The following LUZP2 variants were observed in gnomAD, a reference collection of about 807,000 sequenced individuals.
LUZP2 encodes leucine zipper protein 2.
Under a neutral mutation model 51.6 loss-of-function variants are expected in LUZP2, and 52 were observed. The ratio of observed to expected loss-of-function variants is 1.01; its 90% CI spans 0.81 to 1.27. The LOEUF (loss-of-function observed/expected upper bound fraction) is 1.27, where lower values mean the gene tolerates loss of function less well. Among genes scored for constraint, LUZP2 ranks in the 50% most tolerant of loss-of-function variants. The probability of loss-of-function intolerance (pLI) is 0.00; values close to 1 mark genes in which losing one functional copy is unlikely to be tolerated. For synonymous variants in LUZP2, 154 were observed against 137.3 expected, an observed-to-expected ratio of 1.12 and a Z score of -0.85; for missense variants, 436 against 395.4, an observed-to-expected ratio of 1.10 and a Z score of -0.87.
At chr11:24,988,065 G>T (rs1856237177) in intron 9 of LUZP2, among the ~76,000 whole-genome samples, 1 of 151,920 alleles carries the variant, frequency 6.6e-6, no homozygotes, top group Non-Finnish European at 1.5e-5. Context: ...TAAGAAGTAA[G>T]CTTGCCCTAT....
Position 24,702,282 on chromosome 11 carries a change from T to C in LUZP2, c.63-26887T>C, listed in dbSNP as rs116165392. Among the ~76,000 whole-genome samples the C allele has an allele frequency of 5.4e-3, 818 of 152,296 alleles. 12 individuals carry two copies. Among genetic ancestry groups the C allele is most frequent in the African/African-American group, 0.018 (765 of 41,548 alleles). ...AATTACAATACATGGCTTTTTAGAC[T>C]TTTGCTATATGTGTTAAGAATTGTG... is the stretch of plus-strand genomic sequence containing the variant. On this transcript the variant is annotated intron_variant, in intron 1 of 11. Transcript: ENST00000336930.
intron 1 of LUZP2, among the ~76,000 whole-genome samples, chr11:24,539,824 G>T (rs1564978498): frequency 6.6e-6 from 1 of 151,912 alleles, no homozygotes; most frequent in Non-Finnish European, 1.5e-5. Flanking sequence ...TCTGAAAATT[G>T]CTCAATTCAG....
intron 1 of LUZP2, among the ~76,000 whole-genome samples, chr11:24,682,823 G>T (rs1856788166): frequency 6.6e-6 from 1 of 151,812 alleles, no homozygotes; most frequent in Non-Finnish European, 1.5e-5. Flanking sequence ...GGCCAACATG[G>T]TGAAACCCCA....
At chr11:24,924,456 C>A in intron 7 of LUZP2, among the ~76,000 whole-genome samples, 1 of 152,130 alleles carries the variant, frequency 6.6e-6, no homozygotes, top group East Asian at 1.9e-4. Context: ...GTTGAAATCT[C>A]CCAAATGCTG....
intron 7 of LUZP2, among the ~76,000 whole-genome samples, chr11:24,949,235 G>A (rs1465784545): frequency 6.6e-6 from 1 of 151,210 alleles, no homozygotes; most frequent in Non-Finnish European, 1.5e-5. Flanking sequence ...ATTGGATGAT[G>A]TCTACCTACA....
At chr11:24,636,815 G>A (rs1195892029) in intron 1 of LUZP2, among the ~76,000 whole-genome samples, 4 of 151,826 alleles carry the variant, frequency 2.6e-5, no homozygotes, top group African/African-American at 9.7e-5. Context: ...AGAAAATAAA[G>A]CAAGATTAAA....
At chr11:24,724,663 T>C (rs1427266238) in intron 1 of LUZP2, among the ~76,000 whole-genome samples, 1 of 152,222 alleles carries the variant, frequency 6.6e-6, no homozygotes, top group African/African-American at 2.4e-5. Flanking sequence ...TTGTTTTGAA[T>C]GTCTTAGGCA....
rs994578597 is a variant in LUZP2 at position 24,573,479 on chromosome 11, A to G, written c.62+76174A>G. On this transcript the variant is annotated intron_variant, in intron 1 of 11. Coordinates refer to ENST00000336930, the MANE Select transcript of LUZP2 (RefSeq NM_001009909.4). ...AAAAAATGCATTTAAAGCACTTACT[A>G]TAGAAAGAATACTGCAAATGGGTCC... 6.7e-5 allele frequency among the ~76,000 whole-genome samples: 8 copies of G among 119,856 alleles called. No homozygotes were observed. In the East Asian group the frequency reaches 9.4e-4, roughly 14 times the overall value. The allele number at this position is 119,856 out of a possible 152,430, so 78.6% of individuals were successfully genotyped here.
chr11:24,724,300 T>C (rs1258783992), intron 1 of LUZP2, among the ~76,000 whole-genome samples: 2 of 152,230 alleles, frequency 1.3e-5, no homozygotes, highest in East Asian at 3.9e-4. Context: ...CCAGGGGTCA[T>C]GGCTCACACC....
At chr11:24,593,921 C>A (rs1853341773) in intron 1 of LUZP2, among the ~76,000 whole-genome samples, 1 of 152,144 alleles carries the variant, frequency 6.6e-6, no homozygotes. Context: ...CTTTGGAAGA[C>A]ACAGCCTGCC....
chr11:25,031,563 A>G (rs1857687591), intron 9 of LUZP2, among the ~76,000 whole-genome samples: 2 of 151,862 alleles, frequency 1.3e-5, no homozygotes. Flanking sequence ...TCAAATTGTT[A>G]ATTTTTCTGT....
chr11:24,530,762 C>CTTTTTTTTTTTTTTTTTTTTT (rs367857815), intron 1 of LUZP2, among the ~76,000 whole-genome samples: 1 of 75,370 alleles, frequency 1.3e-5, no homozygotes, highest in Non-Finnish European at 2.7e-5. Flanking sequence ...CTTCTTCTTA[C>CTTTTTTTTTTTTTTTTTTTTT]TTTTTTTTTT....
intron 5 of LUZP2, among the ~76,000 whole-genome samples, chr11:24,809,297 G>A (rs1229450469): frequency 6.6e-6 from 1 of 152,116 alleles, no homozygotes; most frequent in South Asian, 2.1e-4. Flanking sequence ...TTCACATGTG[G>A]AGTGGGAAGG....
intron 1 of LUZP2, among the ~76,000 whole-genome samples, chr11:24,553,844 G>A (rs16912792): frequency 0.35 from 53,251 of 151,954 alleles, 9,729 homozygotes; most frequent in Middle Eastern, 0.49. Flanking sequence ...AATCTTCTTA[G>A]TGGCAACTTC....
rs117305156 is a variant in LUZP2 at position 24,874,804 on chromosome 11, C to A, written c.397-31187C>A. 6.8e-3 allele frequency among the ~76,000 whole-genome samples: 1,038 copies of A among 152,146 alleles called. 15 individuals carry two copies. Among genetic ancestry groups the A allele is most frequent in the East Asian group, 0.057 (294 of 5,156 alleles). On this transcript the variant is annotated intron_variant, in intron 5 of 11. Coordinates refer to ENST00000336930, the MANE Select transcript of LUZP2 (RefSeq NM_001009909.4). ...TATTACTGAAAATGTGTTATTTACC[C>A]CTTTTCATTTTCTATTTTAAGAGTT...
In LUZP2 at chr11:24,681,280, C is replaced by G. The variant is rs182588159; in HGVS notation, c.63-47889C>G. ...ACAGGTGTGAGCCACCGCGCCCGGCCTAATTTCCTTATTTCTCTAAGACCA... is the reference window on the plus strand; with the variant it reads ...ACAGGTGTGAGCCACCGCGCCCGGCGTAATTTCCTTATTTCTCTAAGACCA... On this transcript the variant is annotated intron_variant, in intron 1 of 11. Coordinates refer to ENST00000336930, the MANE Select transcript of LUZP2 (RefSeq NM_001009909.4). Among the ~76,000 whole-genome samples the G allele has an allele frequency of 3.2e-3, 486 of 152,318 alleles. 3 individuals are homozygous for G. Among genetic ancestry groups the G allele is most frequent in the African/African-American group, 9.9e-3 (410 of 41,580 alleles).
At chr11:24,786,465 AC>A in intron 5 of LUZP2, 1 of 981,830 alleles carries the variant, frequency 1.0e-6, no homozygotes, top group Non-Finnish European at 1.2e-6. Context: ...TATCATATTA[AC>A]GACTGCCTAT....
At chr11:24,678,212 C>T (rs1271990253) in intron 1 of LUZP2, among the ~76,000 whole-genome samples, 1 of 151,840 alleles carries the variant, frequency 6.6e-6, no homozygotes, top group Non-Finnish European at 1.5e-5. Context: ...ATCCAGTGTC[C>T]AGGACAATCA....
At chr11:24,583,575 C>T (rs914955100) in intron 1 of LUZP2, among the ~76,000 whole-genome samples, 1 of 152,098 alleles carries the variant, frequency 6.6e-6, no homozygotes, top group African/African-American at 2.4e-5. Context: ...AACCCTAATT[C>T]TAAATTTTGT....
Sources: gnomAD v4.1 joint callset for allele counts (sites outside exome capture counted in the v4.1 genomes callset) on GRCh38, gnomAD v4.1.1 for gene constraint, MANE v1.5 for transcripts, NCBI Gene and HGNC (gene_info 2026-07-23, HGNC 2026-07-21) for gene names.